Variants in PRKCD observed in about 807,000 individuals in gnomAD.
PRKCD encodes the protein protein kinase C delta.
PRKCD carries 20 observed loss-of-function variants against 82.2 expected under a neutral mutation model. That is an observed-to-expected ratio of 0.24 (90% confidence interval 0.17 to 0.35). The LOEUF is 0.35. Among genes scored for constraint, PRKCD ranks in the 10% least tolerant of loss-of-function variants. PRKCD has a pLI of 1.00. For missense variants in PRKCD, 607 were observed against 899.0 expected, an observed-to-expected ratio of 0.68 and a Z score of 4.15; for synonymous variants, 317 against 337.0, an observed-to-expected ratio of 0.94 and a Z score of 0.65.
chr3:53,178,874 A>G (rs1553666530), intron 3 of PRKCD, among the ~76,000 whole-genome samples: 1 of 152,202 alleles, frequency 6.6e-6, no homozygotes, highest in African/African-American at 2.4e-5. Flanking sequence ...CCCTGCCCTC[A>G]TGGGGTTCAT....
intron 11 of PRKCD, 65 bp downstream of exon 11, chr3:53,185,765 T>C (rs782016996): frequency 6.4e-7 from 1 of 1,556,786 alleles, no homozygotes; most frequent in Admixed American, 1.7e-5. Flanking sequence ...AAGGGGACTG[T>C]CCTCCCTTCC....
In PRKCD at chr3:53,174,335, G is replaced by A. The variant is rs548321170; in HGVS notation, c.-19-4069G>A. On this transcript the variant is annotated intron_variant, in intron 2 of 18. Transcript: ENST00000330452. ...AGACTAGGAGCCCTTAGGCAGCTGG[G>A]AAAGGCCTGGCTGGCCTCAGCTGGC... Among the ~76,000 whole-genome samples the A allele has an allele frequency of 3.3e-5, 5 of 152,320 alleles. No homozygotes were observed. The South Asian group carries it at 1.0e-3, about 32-fold the overall frequency.
intron 2 of PRKCD, among the ~76,000 whole-genome samples, chr3:53,177,129 C>A (rs1455680741): frequency 2.0e-5 from 3 of 152,042 alleles, no homozygotes; most frequent in Admixed American, 1.3e-4. Flanking sequence ...CGCGCCTAGG[C>A]AGTTTGGGTT....
Position 53,170,446 on chromosome 3 carries a change from C to T in PRKCD, c.-20+5231C>T, listed in dbSNP as rs1702981615. Among the ~76,000 whole-genome samples, 4 of 152,258 alleles carry T rather than the reference C, an allele frequency of 2.6e-5. No homozygotes were observed. In the South Asian group the frequency reaches 8.3e-4, roughly 32 times the overall value. On this transcript the variant is annotated intron_variant, in intron 2 of 18. Coordinates refer to ENST00000330452, the MANE Select transcript of PRKCD (RefSeq NM_006254.4). ...CATAGGTTCAAGCCCTCCCCTCCCC[C>T]TGCGCGCCAGGCCTGTGACTGCCAC...
chr3:53,192,034 A>C (rs1703941054), intron 18 of PRKCD, 74 bp from the exon 19 acceptor site: 24 of 1,522,724 alleles, frequency 1.6e-5, no homozygotes, highest in South Asian at 1.5e-4. Context: ...CCAGCCCTGC[A>C]GGGACTCCAG....
chr3:53,166,115 A>G (rs1553663817), intron 2 of PRKCD, among the ~76,000 whole-genome samples: 1 of 152,108 alleles, frequency 6.6e-6, no homozygotes, highest in African/African-American at 2.4e-5. Context: ...TTACGCACCT[A>G]TAGGTCTGTG....
rs1559628064 is a variant in PRKCD at position 53,184,888 on chromosome 3, G to A, written c.802G>A (p.Val268Met). ...GLKCEDCGMNVHHKCREKVAN... is the reference protein window; with the variant it reads ...GLKCEDCGMNMHHKCREKVAN... ...CCTCACCCCAGACTGCGGCATGAAT[G>A]TGCACCATAAATGCCGGGAGAAGGT... The change falls in exon 10 of 19, where the codon GTG (valine) becomes ATG (methionine). Residue 268 changes from valine (V) to methionine (M), a missense_variant. Physicochemically the swap from Val to Met is conservative, Grantham distance 21. This residue lies in a region of PRKCD where 109 missense variants were observed against 155.6 expected (regional missense o/e 0.70). Coordinates refer to ENST00000330452, the MANE Select transcript of PRKCD (RefSeq NM_006254.4). The A allele has an allele frequency of 6.2e-6, 10 of 1,613,922 alleles. No individual in the cohort carries two copies. The highest frequency in any genetic ancestry group is 1.3e-5 in the African/African-American group (1 of 75,032).
chr3:53,172,660 C>T (rs554953346), intron 2 of PRKCD, among the ~76,000 whole-genome samples: 3 of 152,296 alleles, frequency 2.0e-5, no homozygotes, highest in East Asian at 3.9e-4. Flanking sequence ...CCCTGCTCCC[C>T]GGGGGTCTGT....
At chr3:53,186,566 C>A (rs1028614489) in intron 13 of PRKCD, 38 bp from the exon 14 acceptor site, 1 of 1,563,694 alleles carries the variant, frequency 6.4e-7, no homozygotes, top group Non-Finnish European at 8.8e-7. Context: ...AGCCTCCTGC[C>A]TATTCCTCAC....
intron 2 of PRKCD, among the ~76,000 whole-genome samples, chr3:53,177,119 C>T (rs942322707): frequency 3.9e-5 from 6 of 152,076 alleles, no homozygotes; most frequent in Non-Finnish European, 5.9e-5. Flanking sequence ...CATGAGCCAC[C>T]GCGCCTAGGC....
At chr3:53,190,882 G>A (rs1013155629) in intron 18 of PRKCD, among the ~76,000 whole-genome samples, 4 of 144,730 alleles carry the variant, frequency 2.8e-5, no homozygotes, top group Non-Finnish European at 6.2e-5. Flanking sequence ...GACAGGCTAG[G>A]CCAGCTGCAA....
chr3:53,175,022 C>T (rs1056148383), intron 2 of PRKCD, among the ~76,000 whole-genome samples: 32 of 152,362 alleles, frequency 2.1e-4, no homozygotes, highest in African/African-American at 7.5e-4. Context: ...GTCTCCTCCA[C>T]CCTCCATGCA....
intron 9 of PRKCD, among the ~76,000 whole-genome samples, chr3:53,184,631 C>A (rs191951549): frequency 2.0e-5 from 3 of 148,716 alleles, no homozygotes; most frequent in African/African-American, 7.5e-5. Context: ...GCCGAGATTG[C>A]GCCACTGCAC....
In PRKCD at chr3:53,185,934, T is replaced by C; in HGVS notation, c.993T>C (p.Ser331=). 1.2e-6 allele frequency: 2 copies of C among 1,614,114 alleles called. No individual in the cohort carries two copies. The highest frequency in any genetic ancestry group is 1.7e-6 in the Non-Finnish European group (2 of 1,180,004). ...GVAGEDMQDN[S]GTYGKIWEGS... ...GTGCCATCTCTCGGGCAGACAACAG[T>C]GGGACCTACGGCAAGATCTGGGAGG... The change falls in exon 12 of 19, where the codon AGT becomes AGC. Residue 331 remains serine (S), a synonymous_variant. Coordinates refer to ENST00000330452, the MANE Select transcript of PRKCD (RefSeq NM_006254.4).
Position 53,181,252 on chromosome 3 carries a change from T to C in PRKCD, c.361T>C (p.Phe121Leu), listed in dbSNP as rs377558890. The C allele has an allele frequency of 4.3e-6, 7 of 1,613,862 alleles. No homozygotes were observed. In the African/African-American group the frequency reaches 8.0e-5, roughly 18 times the overall value. ...CAAGGTGTTGATGTCTGTTCAGTAT[T>C]TCCTGGAGGACGTGGGTAAGAACTC... The part of the protein sequence containing the change: ...QAKVLMSVQY[F>L]LEDVDCKQSM... The change falls in exon 5 of 19, where the codon TTC (phenylalanine) becomes CTC (leucine). Residue 121 changes from phenylalanine (F) to leucine (L), a missense_variant. Physicochemically the swap from Phe to Leu is conservative, Grantham distance 22. Transcript: ENST00000330452.
chr3:53,171,826 C>T (rs1703040349), intron 2 of PRKCD, among the ~76,000 whole-genome samples: 2 of 152,104 alleles, frequency 1.3e-5, no homozygotes, highest in South Asian at 4.1e-4. Context: ...CAGGACAGGG[C>T]CAGGGAGTGG....
intron 2 of PRKCD, among the ~76,000 whole-genome samples, chr3:53,167,151 C>T (rs185242491): frequency 2.5e-4 from 38 of 152,332 alleles, no homozygotes; most frequent in Non-Finnish European, 2.2e-4. Flanking sequence ...CTTACTTCCT[C>T]TGAGCTGCCC....
Position 53,184,885 on chromosome 3 carries a change from A to C in PRKCD, c.799A>C (p.Asn267His), listed in dbSNP as rs1371733624. 4 of 1,613,752 alleles carry C rather than the reference A, an allele frequency of 2.5e-6. No individual in the cohort carries two copies. The Admixed American group carries it at 6.7e-5, about 27-fold the overall frequency. The change falls in exon 10 of 19, where the codon AAT becomes CAT. Residue 267 changes from asparagine (N) to histidine (H), a missense_variant. Asn to His is a moderately conservative substitution (Grantham distance 68, BLOSUM62 1). Transcript: ENST00000330452. ...CTCCCTCACCCCAGACTGCGGCATG[A>C]ATGTGCACCATAAATGCCGGGAGAA... is the stretch of plus-strand genomic sequence containing the variant. The part of the protein sequence containing the change: ...QGLKCEDCGM[N>H]VHHKCREKVA...
At chr3:53,165,615 C>A (rs571575848) in intron 2 of PRKCD, among the ~76,000 whole-genome samples, 1 of 152,310 alleles carries the variant, frequency 6.6e-6, no homozygotes, top group Non-Finnish European at 1.5e-5. Flanking sequence ...CACACAAGGA[C>A]ACTGAAATTC....
Sources: gnomAD v4.1 joint callset for allele counts (sites outside exome capture counted in the v4.1 genomes callset) on GRCh38, gnomAD v4.1.1 for gene constraint, gnomAD v4.1.1 regional missense constraint, MANE v1.5 for transcripts, NCBI Gene and HGNC (gene_info 2026-07-23, HGNC 2026-07-21) for gene names.